SRGAP2: variants seen among roughly 807,000 people sequenced by gnomAD.
SRGAP2 encodes the protein SLIT-ROBO Rho GTPase activating protein 2, also known as SLIT-ROBO Rho GTPase-activating protein 2.
SRGAP2 carries 15 observed loss-of-function variants against 57.2 expected under a neutral mutation model. The ratio of observed to expected loss-of-function variants is 0.26; its 90% CI spans 0.18 to 0.40. SRGAP2 has a LOEUF of 0.40. Ranked by LOEUF, SRGAP2 falls within the 10% of genes least tolerant of loss-of-function variation. The pLI is 1.00. For missense variants in SRGAP2, 520 were observed against 669.6 expected, an observed-to-expected ratio of 0.78 and a Z score of 2.47; for synonymous variants, 249 against 248.0, an observed-to-expected ratio of 1.00 and a Z score of -0.04.
At position 206,454,804 on chromosome 1, in the gene SRGAP2, T is replaced by G. The variant is rs1330629565; in HGVS notation, c.2361-74T>G. The G allele has an allele frequency of 1.3e-5, 9 of 683,028 alleles. No individual in the cohort carries two copies. The highest frequency in any genetic ancestry group is 2.4e-5 in the Non-Finnish European group (9 of 373,866). The allele number at this position is 683,028 out of a possible 1,614,324, so 42.3% of individuals were successfully genotyped here. A position where few individuals can be genotyped will look rare whatever the true frequency, so the allele number is the denominator to read the frequency against. The stretch of plus-strand genomic sequence containing the variant: ...GTCGCGTGTATGTCGGGGGGCCATC[T>G]TGCCGATTTAACGCTGCTTTTTGTG... On this transcript the variant is annotated intron_variant, in intron 20 of 22. Transcript: ENST00000573034. The surrounding 1 kb of genome is among the most constrained non-coding windows in gnomAD (Gnocchi z 4.3).
At position 206,363,901 on chromosome 1, in the gene SRGAP2, G is replaced by A. The variant is rs1288396812; in HGVS notation, c.424-20113G>A. Reference sequence around the variant, plus strand: ...CTTTGCAGTGTAATAAATGTCTTGTGAAGATACTATGTAAATATCCTATTT... The same window carrying A: ...CTTTGCAGTGTAATAAATGTCTTGTAAAGATACTATGTAAATATCCTATTT... On this transcript the variant is annotated intron_variant, in intron 4 of 22. Transcript: ENST00000573034. 3.3e-5 allele frequency among the ~76,000 whole-genome samples: 5 copies of A among 152,318 alleles called. 1 individual carries two copies. The highest frequency in any genetic ancestry group is 1.2e-4 in the African/African-American group (5 of 41,552).
At chr1:206,399,925 A>G (rs1442156365) in intron 7 of SRGAP2, among the ~76,000 whole-genome samples, 1 of 149,120 alleles carries the variant, frequency 6.7e-6, no homozygotes, top group Non-Finnish European at 1.5e-5. Flanking sequence ...GTTAAGTTGT[A>G]ACTGCTGTTA....
chr1:206,305,521 C>G (rs1315556321), intron 3 of SRGAP2, among the ~76,000 whole-genome samples: 1 of 152,252 alleles, frequency 6.6e-6, no homozygotes, highest in African/African-American at 2.4e-5. Flanking sequence ...TGAATTCTTA[C>G]AGCATTTTAT....
intron 2 of SRGAP2, among the ~76,000 whole-genome samples, chr1:206,275,701 G>A (rs1222018563): frequency 5.4e-5 from 8 of 148,530 alleles, no homozygotes; most frequent in African/African-American, 1.7e-4. Context: ...TGCAACCTCC[G>A]CCTCTCCCGG....
At chr1:206,409,541 G>C (rs1294755885) in intron 10 of SRGAP2, among the ~76,000 whole-genome samples, 1 of 152,130 alleles carries the variant, frequency 6.6e-6, no homozygotes, top group Non-Finnish European at 1.5e-5. Flanking sequence ...CAGCGCTGTG[G>C]GAGCCTGAAG....
chr1:206,351,897 G>A (rs554661979), intron 4 of SRGAP2, among the ~76,000 whole-genome samples: 201 of 152,312 alleles, frequency 1.3e-3, no homozygotes, highest in Non-Finnish European at 2.1e-3. Flanking sequence ...AGGTTAGTTT[G>A]TGTGTTTGCC....
intron 13 of SRGAP2, among the ~76,000 whole-genome samples, chr1:206,421,592 A>T (rs1660310642): frequency 6.6e-6 from 1 of 152,212 alleles, no homozygotes; most frequent in Non-Finnish European, 1.5e-5. Context: ...AAGAGGCTTG[A>T]CACTTCCTAC....
intron 4 of SRGAP2, among the ~76,000 whole-genome samples, chr1:206,354,260 T>C (rs1374356353): frequency 1.8e-4 from 28 of 152,320 alleles, no homozygotes; most frequent in African/African-American, 6.7e-4. Flanking sequence ...CTGAAGAGTA[T>C]GAAGTTTTAT....
chr1:206,456,829 T>G (rs367904886), intron 21 of SRGAP2, among the ~76,000 whole-genome samples: 3 of 152,132 alleles, frequency 2.0e-5, no homozygotes, highest in African/African-American at 4.8e-5. Context: ...CCCAAATTCC[T>G]TGAGTTTCCC....
At chr1:206,353,387 C>G (rs1465098167) in intron 4 of SRGAP2, among the ~76,000 whole-genome samples, 2 of 152,018 alleles carry the variant, frequency 1.3e-5, no homozygotes, top group African/African-American at 4.8e-5. Context: ...TGGCTCACAC[C>G]TGTAATCCCA....
intron 2 of SRGAP2, among the ~76,000 whole-genome samples, chr1:206,216,227 CT>C (rs1227911983): frequency 6.6e-6 from 1 of 151,644 alleles, no homozygotes; most frequent in Non-Finnish European, 1.5e-5. Flanking sequence ...AATCACTGCC[CT>C]CTTTAGAGTC....
At chr1:206,325,299 T>C (rs1244228681) in intron 3 of SRGAP2, among the ~76,000 whole-genome samples, 2 of 152,048 alleles carry the variant, frequency 1.3e-5, no homozygotes, top group Non-Finnish European at 2.9e-5. Flanking sequence ...ACAATACTTA[T>C]CTTTGCTTTG....
Position 206,456,748 on chromosome 1 carries a change from G to A in SRGAP2, c.2507+1724G>A, listed in dbSNP as rs1043905394. The stretch of plus-strand genomic sequence containing the variant: ...TGGTGGGTGGGTGAGCGGTGGCCCC[G>A]GGGCATGTCTGGCCCTTAGAAGTGA... On this transcript the variant is annotated intron_variant, in intron 21 of 22. Transcript: ENST00000573034. Among the ~76,000 whole-genome samples, 8 of 152,214 alleles carry A rather than the reference G, an allele frequency of 5.3e-5. No homozygotes were observed. In the South Asian group the frequency reaches 1.0e-3, roughly 20 times the overall value.
chr1:206,353,780 G>A (rs1251789389), intron 4 of SRGAP2, among the ~76,000 whole-genome samples: 1 of 146,814 alleles, frequency 6.8e-6, no homozygotes, highest in Non-Finnish European at 1.5e-5. Flanking sequence ...GCCATCCAAT[G>A]AATTTTTTTT....
chr1:206,392,745 A>G lies in SRGAP2; in HGVS notation c.543A>G (p.Leu181=), dbSNP rs782221783. 1 of 749,154 alleles carries G rather than the reference A, an allele frequency of 1.3e-6. No homozygotes were observed. The highest frequency in any genetic ancestry group is 1.8e-5 in the Admixed American group (1 of 54,434). 46.4% of individuals were successfully genotyped at this position (749,154 alleles called of 1,614,324 possible). A position where few individuals can be genotyped will look rare whatever the true frequency, so the allele number is the denominator to read the frequency against. Residue 181 remains leucine, a synonymous_variant, in exon 6 of 23, where the codon CTA becomes CTG. Coordinates refer to ENST00000573034, the MANE Select transcript of SRGAP2 (RefSeq NM_015326.5). ...ACAGCATCAGTGCTCAGAGCAAACT[A>G]AAGGAGGCGGAGAAGCAGGAGGAGA... is the stretch of plus-strand genomic sequence containing the variant. ...NADSISAQSK[L]KEAEKQEEKQ...
At chr1:206,333,281 G>A (rs2102883167) in intron 3 of SRGAP2, 1 of 1,167,820 alleles carries the variant, frequency 8.6e-7, no homozygotes, top group Non-Finnish European at 1.3e-6. Flanking sequence ...GACCGGAGCT[G>A]TTCCTATTCG....
intron 14 of SRGAP2, among the ~76,000 whole-genome samples, chr1:206,433,788 T>TG (rs1401296878): frequency 2.6e-5 from 4 of 152,194 alleles, no homozygotes; most frequent in African/African-American, 9.7e-5. Context: ...CTAAGTAATT[T>TG]GTCTTGACTG....
chr1:206,455,114 C>T, intron 21 of SRGAP2, 90 bp downstream of exon 21: 1 of 772,482 alleles, frequency 1.3e-6, no homozygotes, highest in Non-Finnish European at 2.4e-6. Flanking sequence ...CATTCCTGTG[C>T]TGCACGTAGG....
intron 2 of SRGAP2, among the ~76,000 whole-genome samples, chr1:206,256,296 C>T (rs1553312351): frequency 6.6e-6 from 1 of 152,194 alleles, no homozygotes; most frequent in Non-Finnish European, 1.5e-5. Context: ...CTCCTTACTT[C>T]CCAGCTGAAC....
Sources: gnomAD v4.1 joint callset for allele counts (sites outside exome capture counted in the v4.1 genomes callset) on GRCh38, gnomAD v4.1.1 for gene constraint, Gnocchi (gnomAD v3.1) non-coding constraint, MANE v1.5 for transcripts, NCBI Gene and HGNC (gene_info 2026-07-23, HGNC 2026-07-21) for gene names.